Variants in CUX1 observed in about 807,000 individuals in gnomAD.
CUX1 encodes cut like homeobox 1.
Under a neutral mutation model 158.8 loss-of-function variants are expected in CUX1, and 31 were observed. That is an observed-to-expected ratio of 0.20 (90% CI 0.15 to 0.26). The LOEUF is 0.26. Ranked by LOEUF, CUX1 falls within the 10% of genes least tolerant of loss-of-function variation. The pLI is 1.00. For missense variants in CUX1, 1,589 were observed against 2,014.6 expected (o/e 0.79, Z 4.04); for synonymous variants, 879 against 862.1 (o/e 1.02, Z -0.34).
At chr7:102,208,094 G>A (rs1377550771) in intron 20 of CUX1, among the ~76,000 whole-genome samples, 4 of 152,056 alleles carry the variant, frequency 2.6e-5, no homozygotes, top group East Asian at 1.9e-4. Flanking sequence ...GGACTGAGGC[G>A]GGAGGATTGC....
chr7:102,233,014 T>C (rs1176863540), intron 21 of CUX1, among the ~76,000 whole-genome samples: 5 of 152,030 alleles, frequency 3.3e-5, no homozygotes, highest in Admixed American at 2.6e-4. Flanking sequence ...ACCTTGCTAA[T>C]TGTGGAAGGA....
At chr7:101,918,596 C>A (rs890440406) in intron 2 of CUX1, among the ~76,000 whole-genome samples, 1 of 152,212 alleles carries the variant, frequency 6.6e-6, no homozygotes, top group Admixed American at 6.5e-5. Flanking sequence ...CTGCAGCATG[C>A]GGTCCTGGGG....
At chr7:101,979,709 GCACAATGTCGGTT>G (rs1813172085) in intron 2 of CUX1, among the ~76,000 whole-genome samples, 1 of 151,984 alleles carries the variant, frequency 6.6e-6, no homozygotes, top group African/African-American at 2.4e-5. Flanking sequence ...GAGTGTAGTA[GCACAATGTCGGTT>G]CACTGCAACC....
At chr7:101,999,301 C>T (rs73405931) in intron 2 of CUX1, among the ~76,000 whole-genome samples, 2,218 of 141,260 alleles carry the variant, frequency 0.016, 49 homozygotes, top group African/African-American at 0.055. Flanking sequence ...TGTGATCCTC[C>T]TGCCTCAGCC....
chr7:102,182,196 A>G (rs1554514184), intron 11 of CUX1, among the ~76,000 whole-genome samples: 2 of 152,218 alleles, frequency 1.3e-5, no homozygotes, highest in African/African-American at 4.8e-5. Flanking sequence ...ACTTGGCAGC[A>G]GGTCCTTGAT....
intron 20 of CUX1, among the ~76,000 whole-genome samples, chr7:102,281,091 G>T (rs1792032414): frequency 6.6e-6 from 1 of 152,222 alleles, no homozygotes; most frequent in African/African-American, 2.4e-5. Flanking sequence ...AATTCCTGCA[G>T]CCTAGAGTCA....
intron 2 of CUX1, among the ~76,000 whole-genome samples, chr7:101,976,141 C>A (rs184021366): frequency 1.3e-5 from 2 of 151,960 alleles, no homozygotes; most frequent in African/African-American, 4.8e-5. Context: ...CTAAAACAAA[C>A]AAAAAACCAC....
intron 1 of CUX1, among the ~76,000 whole-genome samples, chr7:101,838,198 C>T (rs565396331): frequency 6.6e-6 from 1 of 151,306 alleles, no homozygotes; most frequent in Non-Finnish European, 1.5e-5. Flanking sequence ...GGCACAATCT[C>T]GGCTCACTGC....
chr7:102,275,618 G>A (rs535224539), intron 17 of CUX1, among the ~76,000 whole-genome samples: 265 of 152,252 alleles, frequency 1.7e-3, no homozygotes, highest in African/African-American at 3.0e-3. Context: ...GAAACAAGTC[G>A]CCAGGCAAGT....
intron 10 of CUX1, among the ~76,000 whole-genome samples, chr7:102,175,438 T>C (rs1792207438): frequency 1.3e-5 from 2 of 152,128 alleles, no homozygotes; most frequent in Non-Finnish European, 2.9e-5. Context: ...CTGACCTCCC[T>C]ACATGTCACT....
intron 2 of CUX1, among the ~76,000 whole-genome samples, chr7:101,996,121 AAAG>A: frequency 6.6e-6 from 1 of 151,998 alleles, no homozygotes; most frequent in Non-Finnish European, 1.5e-5. Context: ...CAAAAAAAAA[AAAG>A]AGAGAGAGAT....
At chr7:102,223,701 G>C (rs1554527806) in intron 20 of CUX1, among the ~76,000 whole-genome samples, 1 of 152,180 alleles carries the variant, frequency 6.6e-6, no homozygotes, top group Non-Finnish European at 1.5e-5. Flanking sequence ...AGGCGCGGTG[G>C]CTCACACCTG....
At chr7:102,194,763 C>T (rs1362877382) in intron 13 of CUX1, among the ~76,000 whole-genome samples, 1 of 152,066 alleles carries the variant, frequency 6.6e-6, no homozygotes, top group African/African-American at 2.4e-5. Context: ...TGGCTCACTC[C>T]TGTAATCCCA....
At chr7:102,162,948 T>TG (rs1422859030) in intron 9 of CUX1, among the ~76,000 whole-genome samples, 1 of 152,044 alleles carries the variant, frequency 6.6e-6, no homozygotes, top group Non-Finnish European at 1.5e-5. Context: ...GAGCATGAGA[T>TG]GGGGAATCAC....
intron 10 of CUX1, among the ~76,000 whole-genome samples, chr7:102,178,072 T>C (rs1475297060): frequency 6.6e-6 from 1 of 152,202 alleles, no homozygotes; most frequent in African/African-American, 2.4e-5. Flanking sequence ...CAGCTAATTT[T>C]TGTATTTTTA....
At chr7:102,036,666 C>T (rs1238485867) in intron 3 of CUX1, among the ~76,000 whole-genome samples, 4 of 151,392 alleles carry the variant, frequency 2.6e-5, no homozygotes, top group Non-Finnish European at 4.4e-5. Context: ...TGCTTGAACC[C>T]GGGAAGCAGA....
intron 20 of CUX1, among the ~76,000 whole-genome samples, chr7:102,206,957 T>C (rs1453694877): frequency 6.6e-6 from 1 of 152,160 alleles, no homozygotes. Context: ...GTGCCAGGCC[T>C]GCTAATGATC....
intron 2 of CUX1, among the ~76,000 whole-genome samples, chr7:101,993,685 C>A (rs1453000266): frequency 6.6e-6 from 1 of 152,226 alleles, no homozygotes; most frequent in Admixed American, 6.5e-5. Flanking sequence ...GGTTTCTTAG[C>A]CTCTCTGAGC....
chr7:101,865,882 G>A (rs757373655), intron 1 of CUX1, among the ~76,000 whole-genome samples: 1 of 152,218 alleles, frequency 6.6e-6, no homozygotes, highest in Non-Finnish European at 1.5e-5. Context: ...AAAGCAGCAC[G>A]TGTTTTTGAG....
Sources: allele counts gnomAD v4.1 joint callset (sites outside exome capture counted in the v4.1 genomes callset), GRCh38; gene constraint gnomAD v4.1.1; transcripts MANE v1.5; gene names NCBI Gene and HGNC (gene_info 2026-07-23, HGNC 2026-07-21).